The following GPC5 variants were observed in gnomAD, a reference collection of about 807,000 sequenced individuals.
The protein encoded by GPC5 is glypican-5.
Under a neutral mutation model 53.9 loss-of-function variants are expected in GPC5, and 47 were observed. The observed-to-expected ratio is 0.87, with a 90% CI of 0.69 to 1.11. The LOEUF is 1.11. Among genes scored for constraint, GPC5 ranks in the 50% most tolerant of loss-of-function variants. GPC5 has a pLI of 0.00. For missense variants in GPC5, 748 were observed against 713.1 expected (o/e 1.05, Z -0.56); for synonymous variants, 286 against 263.3 (o/e 1.09, Z -0.84).
chr13:91,427,783 G>A (rs1212126464), intron 1 of GPC5, among the ~76,000 whole-genome samples: 1 of 152,122 alleles, frequency 6.6e-6, no homozygotes, highest in Non-Finnish European at 1.5e-5. Context: ...ATCTTGAATT[G>A]ATGTCCCCAG....
intron 7 of GPC5, among the ~76,000 whole-genome samples, chr13:92,749,639 T>C (rs1889329993): frequency 6.6e-6 from 1 of 152,176 alleles, no homozygotes; most frequent in Non-Finnish European, 1.5e-5. Flanking sequence ...AATATGCTTC[T>C]GTTGCCTGAC....
At chr13:92,728,741 T>G (rs966876305) in intron 7 of GPC5, among the ~76,000 whole-genome samples, 3 of 151,462 alleles carry the variant, frequency 2.0e-5, no homozygotes, top group African/African-American at 7.2e-5. Context: ...TTGACATTTC[T>G]GTATGAATCT....
At chr13:92,201,238 A>C (rs1234325680) in intron 7 of GPC5, among the ~76,000 whole-genome samples, 1 of 152,220 alleles carries the variant, frequency 6.6e-6, no homozygotes, top group African/African-American at 2.4e-5. Context: ...AAAGATGTAA[A>C]CTTTACATAA....
intron 7 of GPC5, among the ~76,000 whole-genome samples, chr13:92,685,087 C>CTATTTATTTATT (rs57486972): frequency 0.28 from 41,866 of 150,456 alleles, 6,216 homozygotes; most frequent in South Asian, 0.42. Flanking sequence ...TCCAGTAGTT[C>CTATTTATTTATT]TATTTATTTA....
chr13:91,503,780 AAAT>A (rs74995934), intron 2 of GPC5, among the ~76,000 whole-genome samples: 2,241 of 132,856 alleles, frequency 0.017, 60 homozygotes, highest in African/African-American at 0.059. Context: ...CTCTGTCTCA[AAAT>A]AATAATAATA....
At chr13:92,017,966 C>T (rs2040722352) in intron 6 of GPC5, among the ~76,000 whole-genome samples, 1 of 151,316 alleles carries the variant, frequency 6.6e-6, no homozygotes, top group African/African-American at 2.4e-5. Flanking sequence ...CGAGTACATA[C>T]ACGTGCAGCA....
At chr13:92,245,805 C>T (rs897494895) in intron 7 of GPC5, among the ~76,000 whole-genome samples, 3 of 152,020 alleles carry the variant, frequency 2.0e-5, no homozygotes, top group African/African-American at 7.2e-5. Context: ...ACTGAAGTTG[C>T]TTCAGTTATA....
At chr13:92,346,393 T>A (rs1433296345) in intron 7 of GPC5, among the ~76,000 whole-genome samples, 3 of 152,148 alleles carry the variant, frequency 2.0e-5, no homozygotes, top group Non-Finnish European at 2.9e-5. Context: ...GACAGCAGAA[T>A]CTTGCCAGCA....
chr13:92,063,886 C>T (rs2041143902), intron 6 of GPC5, among the ~76,000 whole-genome samples: 1 of 152,034 alleles, frequency 6.6e-6, no homozygotes, highest in Non-Finnish European at 1.5e-5. Context: ...TAAATGGCAT[C>T]TATAATTTTT....
At chr13:92,166,921 G>GTC (rs35310453) in intron 7 of GPC5, among the ~76,000 whole-genome samples, 1,391 of 128,416 alleles carry the variant, frequency 0.011, 11 homozygotes, top group Middle Eastern at 0.016. Flanking sequence ...ATAAGTCTCA[G>GTC]TCTCTCTCTC....
intron 6 of GPC5, among the ~76,000 whole-genome samples, chr13:91,916,077 G>C (rs1229465208): frequency 1.3e-5 from 2 of 152,172 alleles, no homozygotes; most frequent in East Asian, 1.9e-4. Flanking sequence ...GGCACTAACT[G>C]TATATCCATA....
intron 7 of GPC5, among the ~76,000 whole-genome samples, chr13:92,297,916 G>A (rs1255514791): frequency 2.0e-5 from 3 of 152,002 alleles, no homozygotes; most frequent in Non-Finnish European, 4.4e-5. Context: ...TGAGCCCAGC[G>A]AGAACACGAG....
intron 7 of GPC5, among the ~76,000 whole-genome samples, chr13:92,776,428 C>T (rs1465944681): frequency 1.3e-5 from 2 of 152,186 alleles, no homozygotes; most frequent in African/African-American, 4.8e-5. Flanking sequence ...ACGGGGCCCA[C>T]CCGGATAATT....
chr13:92,409,790 C>T (rs982372926), intron 7 of GPC5, among the ~76,000 whole-genome samples: 1 of 152,042 alleles, frequency 6.6e-6, no homozygotes, highest in Non-Finnish European at 1.5e-5. Flanking sequence ...ACCTAATTTC[C>T]CATCAGTAAG....
chr13:92,064,228 A>G (rs997038494), intron 6 of GPC5, among the ~76,000 whole-genome samples: 1 of 152,246 alleles, frequency 6.6e-6, no homozygotes. Flanking sequence ...ATATTAGGCT[A>G]TTAATAAGAA....
intron 6 of GPC5, among the ~76,000 whole-genome samples, chr13:91,939,776 G>A (rs1028086560): frequency 6.6e-6 from 1 of 152,088 alleles, no homozygotes; most frequent in Admixed American, 6.6e-5. Context: ...TACCACGAGG[G>A]CTGAAGAAGG....
chr13:91,982,104 A>T (rs542584487), intron 6 of GPC5, among the ~76,000 whole-genome samples: 18 of 152,294 alleles, frequency 1.2e-4, no homozygotes, highest in African/African-American at 3.8e-4. Context: ...ACAGGGTAAG[A>T]TCTGTGTTGT....
At chr13:92,653,161 G>C (rs529292434) in intron 7 of GPC5, among the ~76,000 whole-genome samples, 8 of 152,326 alleles carry the variant, frequency 5.3e-5, no homozygotes, top group African/African-American at 1.7e-4. Context: ...AGGTGCCTAG[G>C]CTCAGCAGGA....
chr13:92,541,267 G>T (rs1881922306), intron 7 of GPC5, among the ~76,000 whole-genome samples: 1 of 151,748 alleles, frequency 6.6e-6, no homozygotes, highest in African/African-American at 2.4e-5. Context: ...ATGGTGTTTG[G>T]CAAGGTACTA....
Sources: gnomAD v4.1 joint callset for allele counts (sites outside exome capture counted in the v4.1 genomes callset) on GRCh38, gnomAD v4.1.1 for gene constraint, MANE v1.5 for transcripts, NCBI Gene and HGNC (gene_info 2026-07-23, HGNC 2026-07-21) for gene names.